Variants in BMP7 observed in about 807,000 individuals in gnomAD.
BMP7 encodes the protein osteogenic protein 1.
BMP7 carries 12 observed loss-of-function variants against 41.2 expected under a neutral mutation model. The observed-to-expected ratio is 0.29, with a 90% CI of 0.19 to 0.47. The LOEUF (loss-of-function observed/expected upper bound fraction) is 0.47. Among genes scored for constraint, BMP7 ranks in the 20% least tolerant of loss-of-function variants. The probability of loss-of-function intolerance (pLI) is 0.99; values close to 1 mark genes in which losing one functional copy is unlikely to be tolerated. For synonymous variants in BMP7, 248 were observed against 250.0 expected, an observed-to-expected ratio of 0.99 and a Z score of 0.07; for missense variants, 467 against 606.0, an observed-to-expected ratio of 0.77 and a Z score of 2.41.
In BMP7 at chr20:57,265,771, G is replaced by A. The variant is rs924570866; in HGVS notation, c.352C>T (p.Leu118=). ...KAVFSTQGPP[L]ASLQDSHFLT... ...AAATGGCTATCTTGCAGGCTGGCCAGAGGGGGGCCCTGGGTACTGAAGACG... is the reference window on the plus strand; with the variant it reads ...AAATGGCTATCTTGCAGGCTGGCCAAAGGGGGGCCCTGGGTACTGAAGACG... Residue 118 remains leucine (L), a synonymous_variant, in exon 1 of 7, where the codon CTG becomes TTG. Coordinates refer to ENST00000395863, the MANE Select transcript of BMP7 (RefSeq NM_001719.3). The A allele has an allele frequency of 1.9e-6, 3 of 1,611,100 alleles. No individual in the cohort carries two copies. The highest frequency in any genetic ancestry group is 2.5e-6 in the Non-Finnish European group (3 of 1,178,856).
At chr20:57,180,454 C>T (rs766981317) in intron 4 of BMP7, among the ~76,000 whole-genome samples, 64 of 152,246 alleles carry the variant, frequency 4.2e-4, no homozygotes, top group Non-Finnish European at 8.2e-4. Flanking sequence ...GCTCTCAGCT[C>T]GCTCGCCACG....
intron 3 of BMP7, among the ~76,000 whole-genome samples, chr20:57,199,067 G>A (rs1174938315): frequency 6.6e-6 from 1 of 152,164 alleles, no homozygotes; most frequent in Non-Finnish European, 1.5e-5. Flanking sequence ...CTGGGTGCTG[G>A]TGCAGGCAGG....
intron 3 of BMP7, among the ~76,000 whole-genome samples, chr20:57,195,200 G>T (rs1383966183): frequency 6.6e-6 from 1 of 152,196 alleles, no homozygotes; most frequent in Non-Finnish European, 1.5e-5. Flanking sequence ...AGGCCCCTTG[G>T]TAAAGGAGGG....
At chr20:57,220,476 A>G (rs966484214) in intron 2 of BMP7, among the ~76,000 whole-genome samples, 5 of 152,250 alleles carry the variant, frequency 3.3e-5, no homozygotes, top group African/African-American at 1.2e-4. Context: ...ATGTTAATAC[A>G]TTTGGAAAAA....
At chr20:57,239,582 G>A (rs1159492027) in intron 1 of BMP7, among the ~76,000 whole-genome samples, 1 of 152,242 alleles carries the variant, frequency 6.6e-6, no homozygotes, top group African/African-American at 2.4e-5. Context: ...TAGGGACTCT[G>A]TGTGGGAGTC....
At chr20:57,255,094 C>T (rs2146029559) in intron 1 of BMP7, among the ~76,000 whole-genome samples, 1 of 151,550 alleles carries the variant, frequency 6.6e-6, no homozygotes, top group Middle Eastern at 3.4e-3. Context: ...CACGGGACCA[C>T]AGAGTCAAGG....
At chr20:57,231,141 A>T (rs2066028012) in intron 1 of BMP7, among the ~76,000 whole-genome samples, 1 of 152,188 alleles carries the variant, frequency 6.6e-6, no homozygotes, top group Non-Finnish European at 1.5e-5. Flanking sequence ...CTGTTTTTGA[A>T]CAGTCGCTGC....
At chr20:57,192,988 G>A (rs1342375502) in intron 3 of BMP7, among the ~76,000 whole-genome samples, 1 of 152,180 alleles carries the variant, frequency 6.6e-6, no homozygotes, top group Non-Finnish European at 1.5e-5. Flanking sequence ...TGCCAGGTGG[G>A]AAAGGGGCCC....
intron 3 of BMP7, among the ~76,000 whole-genome samples, chr20:57,192,741 G>T (rs1230550579): frequency 6.7e-6 from 1 of 148,440 alleles, no homozygotes; most frequent in African/African-American, 2.5e-5. Flanking sequence ...ATTTGCCCAA[G>T]AATAGCAGAT....
chr20:57,255,661 G>A (rs1000732661), intron 1 of BMP7, among the ~76,000 whole-genome samples: 2 of 151,892 alleles, frequency 1.3e-5, no homozygotes, highest in Non-Finnish European at 2.9e-5. Flanking sequence ...TTAGCCGGGC[G>A]TGGTTGTGGG....
At position 57,230,944 on chromosome 20, in the gene BMP7, TG is replaced by T. The variant is rs377355493; in HGVS notation, c.419-2524del. 3.9e-4 allele frequency among the ~76,000 whole-genome samples: 59 copies of T among 152,258 alleles called. 1 individual carries two copies. The East Asian group carries it at 6.6e-3, about 17-fold the overall frequency. On this transcript the variant is annotated intron_variant, in intron 1 of 6. Coordinates refer to ENST00000395863, the MANE Select transcript of BMP7 (RefSeq NM_001719.3). ...CACCTGCCTCGGCCTCACAAAGTGC[TG>T]GGATTACAGGCGTGAGCCACCACGC...
At chr20:57,239,084 T>C (rs1420560316) in intron 1 of BMP7, among the ~76,000 whole-genome samples, 2 of 152,286 alleles carry the variant, frequency 1.3e-5, no homozygotes, top group East Asian at 3.9e-4. Context: ...TCTTAACTCA[T>C]TTCAGCATTA....
intron 1 of BMP7, among the ~76,000 whole-genome samples, chr20:57,250,827 G>A (rs1239951568): frequency 6.6e-6 from 1 of 152,162 alleles, no homozygotes; most frequent in Non-Finnish European, 1.5e-5. Context: ...TCAGCAGGAG[G>A]CAATTTTCTA....
chr20:57,202,370 G>A (rs956605566), intron 3 of BMP7, 105 bp downstream of exon 3: 1 of 1,463,944 alleles, frequency 6.8e-7, no homozygotes, highest in South Asian at 1.2e-5. Context: ...GTTGGGAGGG[G>A]CGGGGAAGCC....
Position 57,265,852 on chromosome 20 carries a change from C to T in BMP7, c.271G>A (p.Ala91Thr). Residue 91 changes from alanine (A) to threonine (T), a missense_variant, in exon 1 of 7, where the codon GCG (alanine) becomes ACG (threonine). Physicochemically the swap from Ala to Thr is moderately conservative, Grantham distance 58. This residue lies in a region of BMP7 where 407 missense variants were observed against 485.9 expected (regional missense o/e 0.84). Transcript: ENST00000395863. The part of the protein sequence containing the change: ...MFMLDLYNAM[A>T]VEEGGGPGGQ... Reference sequence around the variant, plus strand: ...CCGGGCCCGCCGCCCTCCTCCACCGCCATGGCGTTGTACAGGTCCAGCATG... The same window carrying T: ...CCGGGCCCGCCGCCCTCCTCCACCGTCATGGCGTTGTACAGGTCCAGCATG... 2 of 1,606,984 alleles carry T rather than the reference C, an allele frequency of 1.2e-6. No homozygotes were observed. The highest frequency in any genetic ancestry group is 2.2e-5 in the South Asian group (2 of 89,362).
At chr20:57,212,236 A>C (rs1379235029) in intron 2 of BMP7, among the ~76,000 whole-genome samples, 1 of 152,240 alleles carries the variant, frequency 6.6e-6, no homozygotes, top group African/African-American at 2.4e-5. Flanking sequence ...AGGGGGTCAG[A>C]GGATGAGCAG....
intron 1 of BMP7, among the ~76,000 whole-genome samples, chr20:57,256,724 A>T (rs928163123): frequency 1.3e-5 from 2 of 152,056 alleles, no homozygotes; most frequent in African/African-American, 4.8e-5. Context: ...AAAAAATAAA[A>T]AAAAATAACA....
At chr20:57,183,190 G>A (rs1342251972) in intron 4 of BMP7, among the ~76,000 whole-genome samples, 3 of 151,514 alleles carry the variant, frequency 2.0e-5, no homozygotes, top group African/African-American at 4.9e-5. Flanking sequence ...AGCCGAGATC[G>A]CACCACTGCA....
Position 57,209,624 on chromosome 20 carries a change from A to T in BMP7, c.612-7001T>A, listed in dbSNP as rs183817867. Among the ~76,000 whole-genome samples, 327 of 152,250 alleles carry T rather than the reference A, an allele frequency of 2.1e-3. 2 individuals carry two copies. Among genetic ancestry groups the T allele is most frequent in the Non-Finnish European group, 3.8e-3 (258 of 68,014 alleles). On this transcript the variant is annotated intron_variant, in intron 2 of 6. Transcript: ENST00000395863. ...TGTACCAAAAACCACTGAATTATAC[A>T]CTTCAAATCTTAATAAAGCTATTTT...
Sources: gnomAD v4.1 joint callset for allele counts (sites outside exome capture counted in the v4.1 genomes callset) on GRCh38, gnomAD v4.1.1 for gene constraint, gnomAD v4.1.1 regional missense constraint, MANE v1.5 for transcripts, NCBI Gene and HGNC (gene_info 2026-07-23, HGNC 2026-07-21) for gene names.